The following PCED1B variants were observed in gnomAD, a reference collection of about 807,000 sequenced individuals.
PCED1B encodes PC-esterase domain containing 1B.
For missense variants in PCED1B, 573 were observed against 573.9 expected, an observed-to-expected ratio of 1.00 and a Z score of 0.02; for synonymous variants, 251 against 246.1, an observed-to-expected ratio of 1.02 and a Z score of -0.19.
intron 2 of PCED1B, among the ~76,000 whole-genome samples, chr12:47,166,005 C>T (rs1941533130): frequency 6.6e-6 from 1 of 152,108 alleles, no homozygotes; most frequent in South Asian, 2.1e-4. Context: ...TTTTGTCATG[C>T]CCACTCCCCC....
chr12:47,087,894 G>A (rs918692855), intron 1 of PCED1B, among the ~76,000 whole-genome samples: 1 of 152,156 alleles, frequency 6.6e-6, no homozygotes, highest in Non-Finnish European at 1.5e-5. Context: ...GGAAAGTAGT[G>A]TCTCTCTCCT....
At chr12:47,214,661 GA>G (rs1425429176) in intron 2 of PCED1B, among the ~76,000 whole-genome samples, 5 of 151,836 alleles carry the variant, frequency 3.3e-5, no homozygotes, top group Admixed American at 6.6e-5. Context: ...AAAAAGAAAA[GA>G]AAAGGAAAAA....
intron 2 of PCED1B, among the ~76,000 whole-genome samples, chr12:47,201,707 T>C (rs2137711837): frequency 6.6e-6 from 1 of 152,146 alleles, no homozygotes; most frequent in South Asian, 2.1e-4. Flanking sequence ...TAGGTGATCC[T>C]CCCACCTCAG....
chr12:47,215,040 G>T (rs553995262), intron 2 of PCED1B, among the ~76,000 whole-genome samples: 7 of 150,342 alleles, frequency 4.7e-5, no homozygotes, highest in African/African-American at 1.7e-4. Context: ...GAACCTGGGG[G>T]TGGTATATTC....
chr12:47,162,775 C>T (rs1006424248), intron 2 of PCED1B, among the ~76,000 whole-genome samples: 3 of 152,200 alleles, frequency 2.0e-5, no homozygotes, highest in Non-Finnish European at 2.9e-5. Flanking sequence ...CATCTACGAC[C>T]ATGACCCTAA....
At chr12:47,170,734 T>A (rs1160524864) in intron 2 of PCED1B, among the ~76,000 whole-genome samples, 2 of 152,248 alleles carry the variant, frequency 1.3e-5, no homozygotes, top group East Asian at 3.8e-4. Context: ...TAACCCAACC[T>A]GCCAGTCTCT....
chr12:47,178,431 G>A (rs1317801825), intron 2 of PCED1B, among the ~76,000 whole-genome samples: 2 of 152,200 alleles, frequency 1.3e-5, no homozygotes, highest in East Asian at 1.9e-4. Flanking sequence ...TTAAGCAGGT[G>A]GAGTGCTGCC....
At chr12:47,201,491 T>G (rs765151806) in intron 2 of PCED1B, among the ~76,000 whole-genome samples, 12 of 152,080 alleles carry the variant, frequency 7.9e-5, no homozygotes, top group Non-Finnish European at 1.5e-4. Context: ...GGCTAGGTGA[T>G]TAAAGGAAAA....
intron 2 of PCED1B, among the ~76,000 whole-genome samples, chr12:47,160,792 T>C (rs1259681334): frequency 2.0e-5 from 3 of 152,192 alleles, no homozygotes; most frequent in Admixed American, 6.5e-5. Context: ...TTTGTGGCAA[T>C]GTTGGGAAGT....
chr12:47,103,955 CT>C (rs1290902396), intron 1 of PCED1B, among the ~76,000 whole-genome samples, 157 bp from the exon 2 acceptor site: 3 of 152,184 alleles, frequency 2.0e-5, no homozygotes, highest in Admixed American at 1.3e-4. Context: ...GAGTAAAATC[CT>C]TTCATTTGTC....
intron 2 of PCED1B, among the ~76,000 whole-genome samples, chr12:47,151,897 G>A (rs771175318): frequency 1.8e-4 from 27 of 152,106 alleles, no homozygotes; most frequent in Non-Finnish European, 3.1e-4. Context: ...CAGACACACC[G>A]GAAGTAAGGC....
At chr12:47,167,593 A>G (rs993216455) in intron 2 of PCED1B, among the ~76,000 whole-genome samples, 2 of 152,234 alleles carry the variant, frequency 1.3e-5, no homozygotes, top group African/African-American at 2.4e-5. Flanking sequence ...TATTATGACA[A>G]TGAGGAAAAG....
chr12:47,233,801 C>T (rs1458525148), intron 3 of PCED1B, among the ~76,000 whole-genome samples: 1 of 152,168 alleles, frequency 6.6e-6, no homozygotes, highest in Admixed American at 6.5e-5. Context: ...AAATAATCCT[C>T]ATGTTAAAGT....
chr12:47,111,132 G>T (rs78432081), intron 2 of PCED1B, among the ~76,000 whole-genome samples: 3,038 of 152,214 alleles, frequency 0.02, 95 homozygotes, highest in African/African-American at 0.067. Flanking sequence ...GAAGCCCAAG[G>T]ATGCTATGAC....
At chr12:47,183,448 T>C (rs1268797719) in intron 2 of PCED1B, among the ~76,000 whole-genome samples, 2 of 152,224 alleles carry the variant, frequency 1.3e-5, no homozygotes, top group African/African-American at 4.8e-5. Context: ...AAATAGGCAA[T>C]GTATCTCAAA....
chr12:47,190,266 A>G (rs1942400830), intron 2 of PCED1B, among the ~76,000 whole-genome samples: 1 of 152,154 alleles, frequency 6.6e-6, no homozygotes, highest in African/African-American at 2.4e-5. Context: ...TGGTTCATAA[A>G]TGGGAGCAAG....
intron 1 of PCED1B, among the ~76,000 whole-genome samples, chr12:47,084,162 C>T (rs903483988): frequency 2.6e-5 from 4 of 152,142 alleles, no homozygotes; most frequent in Non-Finnish European, 5.9e-5. Flanking sequence ...TTTAGCCTAG[C>T]CTGCCTTAAA....
At chr12:47,128,400 G>A (rs1392522334) in intron 2 of PCED1B, among the ~76,000 whole-genome samples, 1 of 151,970 alleles carries the variant, frequency 6.6e-6, no homozygotes, top group Non-Finnish European at 1.5e-5. Context: ...CCTCACTCTG[G>A]GCCGCCTTAC....
At chr12:47,121,437 C>T (rs960473295) in intron 2 of PCED1B, among the ~76,000 whole-genome samples, 5 of 152,126 alleles carry the variant, frequency 3.3e-5, no homozygotes, top group South Asian at 4.2e-4. Flanking sequence ...AAAATGAAGC[C>T]CAAAGCAAAC....
Sources: allele counts gnomAD v4.1 joint callset (sites outside exome capture counted in the v4.1 genomes callset), GRCh38; gene constraint gnomAD v4.1.1; transcripts MANE v1.5; gene names NCBI Gene and HGNC (gene_info 2026-07-23, HGNC 2026-07-21).